The following SMYD3 variants were observed in gnomAD, a reference collection of about 807,000 sequenced individuals.
SMYD3 encodes SET and MYND domain containing 3.
In SMYD3, 36 loss-of-function variants were observed where a neutral mutation model predicts 57.7. The observed-to-expected ratio is 0.62, with a 90% CI of 0.48 to 0.82. The LOEUF is 0.82. Among genes scored for constraint, SMYD3 ranks in the 40% least tolerant of loss-of-function variants. SMYD3 has a pLI of 0.00. For missense variants in SMYD3, 515 were observed against 538.8 expected, an observed-to-expected ratio of 0.96 and a Z score of 0.44; for synonymous variants, 211 against 195.0, an observed-to-expected ratio of 1.08 and a Z score of -0.68.
At chr1:246,002,650 C>CCTGTGTT (rs745635203) in intron 5 of SMYD3, among the ~76,000 whole-genome samples, 1 of 97,276 alleles carries the variant, frequency 1.0e-5, no homozygotes, top group Admixed American at 1.1e-4. Context: ...GACGGGGTTT[C>CCTGTGTT]ACCATGTTAG....
chr1:246,129,512 A>G (rs10924513), intron 5 of SMYD3, among the ~76,000 whole-genome samples: 31,279 of 151,878 alleles, frequency 0.21, 4,375 homozygotes, highest in East Asian at 0.44. Context: ...TGAGGGACTG[A>G]CCTTTCGACA....
At chr1:246,073,186 G>T (rs2060487460) in intron 5 of SMYD3, among the ~76,000 whole-genome samples, 1 of 152,136 alleles carries the variant, frequency 6.6e-6, no homozygotes, top group Non-Finnish European at 1.5e-5. Flanking sequence ...TATAATAGCT[G>T]AGTGACTCCC....
intron 10 of SMYD3, among the ~76,000 whole-genome samples, chr1:245,828,692 G>A (rs1366860917): frequency 6.8e-6 from 1 of 146,564 alleles, no homozygotes; most frequent in African/African-American, 2.5e-5. Context: ...ATTAGGACAT[G>A]GATGTCAGTT....
intron 5 of SMYD3, among the ~76,000 whole-genome samples, chr1:246,042,530 T>C (rs2059896403): frequency 6.6e-6 from 1 of 152,156 alleles, no homozygotes; most frequent in Non-Finnish European, 1.5e-5. Flanking sequence ...CAATTACCTC[T>C]CTCCATGTAA....
At chr1:246,276,478 G>A (rs1332840612) in intron 5 of SMYD3, among the ~76,000 whole-genome samples, 1 of 134,778 alleles carries the variant, frequency 7.4e-6, no homozygotes, top group Non-Finnish European at 1.6e-5. Context: ...TTTAATGTCT[G>A]TAGTGGAGTC....
intron 5 of SMYD3, among the ~76,000 whole-genome samples, chr1:246,290,188 AG>A (rs2064661085): frequency 6.6e-6 from 1 of 152,208 alleles, no homozygotes; most frequent in South Asian, 2.1e-4. Flanking sequence ...CAAAAACTGG[AG>A]AAAAGGGAAC....
intron 5 of SMYD3, among the ~76,000 whole-genome samples, chr1:246,011,299 T>C (rs948284942): frequency 6.6e-6 from 1 of 152,206 alleles, no homozygotes; most frequent in Admixed American, 6.5e-5. Flanking sequence ...CATTTTCTTT[T>C]ACTATTCTGC....
chr1:246,397,759 C>T (rs2066695872), intron 1 of SMYD3, among the ~76,000 whole-genome samples: 1 of 151,950 alleles, frequency 6.6e-6, no homozygotes, highest in Non-Finnish European at 1.5e-5. Context: ...CCCACAAGCT[C>T]GGGGACCAGG....
At chr1:246,009,521 T>A (rs887024463) in intron 5 of SMYD3, among the ~76,000 whole-genome samples, 8 of 152,194 alleles carry the variant, frequency 5.3e-5, no homozygotes, top group Non-Finnish European at 1.2e-4. Flanking sequence ...TGTATACACA[T>A]ACACACACGT....
chr1:245,816,565 A>G (rs2048814354), intron 10 of SMYD3, among the ~76,000 whole-genome samples: 1 of 150,102 alleles, frequency 6.7e-6, no homozygotes, highest in Non-Finnish European at 1.5e-5. Flanking sequence ...CCGAATAGGA[A>G]CAGCTCCAGT....
At chr1:246,154,618 T>C (rs1384206938) in intron 5 of SMYD3, among the ~76,000 whole-genome samples, 1 of 152,196 alleles carries the variant, frequency 6.6e-6, no homozygotes, top group Non-Finnish European at 1.5e-5. Context: ...TCCTGAACTA[T>C]GAAAGCCCAC....
At chr1:245,917,770 A>G (rs2055551724) in intron 7 of SMYD3, among the ~76,000 whole-genome samples, 1 of 152,218 alleles carries the variant, frequency 6.6e-6, no homozygotes, top group Non-Finnish European at 1.5e-5. Context: ...AAAAGTAGAA[A>G]GTAATCATGG....
intron 5 of SMYD3, among the ~76,000 whole-genome samples, chr1:246,031,619 C>T (rs1034833156): frequency 2.6e-4 from 39 of 151,998 alleles, no homozygotes; most frequent in Non-Finnish European, 4.3e-4. Flanking sequence ...CGCCTGTAGT[C>T]CCAGCTACTC....
At chr1:245,851,532 T>G (rs956231287) in intron 10 of SMYD3, among the ~76,000 whole-genome samples, 2 of 152,206 alleles carry the variant, frequency 1.3e-5, no homozygotes, top group Non-Finnish European at 2.9e-5. Context: ...CATATTCGAC[T>G]TCTTGCATAC....
intron 10 of SMYD3, among the ~76,000 whole-genome samples, chr1:245,856,086 T>C (rs2051225559): frequency 6.6e-6 from 1 of 152,236 alleles, no homozygotes; most frequent in African/African-American, 2.4e-5. Context: ...TGAAAACCAC[T>C]GCCAACTTCT....
chr1:245,797,515 G>A lies in SMYD3; in HGVS notation c.1077-33366C>T, dbSNP rs541242618. ...CACAGGAAGGGGAACATCACACACT[G>A]GGGCCTGTGGTGGGGTGGGGGGAGG... is the stretch of plus-strand genomic sequence containing the variant. On this transcript the variant is annotated intron_variant, in intron 10 of 11. Transcript: ENST00000490107. Among the ~76,000 whole-genome samples, 8 of 143,004 alleles carry A rather than the reference G, an allele frequency of 5.6e-5. No individual in the cohort carries two copies. In the East Asian group the frequency reaches 6.3e-4, roughly 11 times the overall value. 93.8% of individuals were successfully genotyped at this position (143,004 alleles called of 152,430 possible).
chr1:246,241,836 G>A (rs143647552), intron 5 of SMYD3, among the ~76,000 whole-genome samples: 12,983 of 152,104 alleles, frequency 0.085, 736 homozygotes, highest in East Asian at 0.21. Context: ...TGTATCTGTC[G>A]AGGAATTTAT....
intron 1 of SMYD3, among the ~76,000 whole-genome samples, chr1:246,425,616 T>C (rs138005248): frequency 6.6e-6 from 1 of 152,086 alleles, no homozygotes; most frequent in African/African-American, 2.4e-5. Context: ...AACTATGAGG[T>C]AGATTCCATG....
chr1:245,927,006 T>C (rs1199436968), intron 7 of SMYD3, among the ~76,000 whole-genome samples: 1 of 152,248 alleles, frequency 6.6e-6, no homozygotes, highest in Non-Finnish European at 1.5e-5. Flanking sequence ...GGGGAGAATC[T>C]TGTCAAAGCC....
Sources: allele counts gnomAD v4.1 joint callset (sites outside exome capture counted in the v4.1 genomes callset), GRCh38; gene constraint gnomAD v4.1.1; transcripts MANE v1.5; gene names NCBI Gene and HGNC (gene_info 2026-07-23, HGNC 2026-07-21).